Variants in RING1 observed in about 807,000 individuals in gnomAD.
RING1 encodes E3 ubiquitin-protein ligase RING1.
RING1 carries 8 observed loss-of-function variants against 35.0 expected under a neutral mutation model. That is an observed-to-expected ratio of 0.23 (90% CI 0.13 to 0.41). The LOEUF (loss-of-function observed/expected upper bound fraction) is 0.41. Ranked by LOEUF, RING1 falls within the 10% of genes least tolerant of loss-of-function variation. RING1 has a pLI of 1.00. For missense variants in RING1, 343 were observed against 546.8 expected (o/e 0.63, Z 3.72); for synonymous variants, 214 against 224.3 (o/e 0.95, Z 0.41).
Position 33,212,527 on chromosome 6 carries a change from C to G in RING1, c.*128C>G, listed in dbSNP as rs892586949. 1 of 639,536 alleles carries G rather than the reference C, an allele frequency of 1.6e-6. No individual in the cohort carries two copies. The highest frequency in any genetic ancestry group is 2.8e-6 in the Non-Finnish European group (1 of 356,608). 39.6% of individuals were successfully genotyped at this position (639,536 alleles called of 1,614,324 possible). On this transcript the variant is annotated 3_prime_UTR_variant, in exon 7 of 7. Coordinates refer to ENST00000374656, the MANE Select transcript of RING1 (RefSeq NM_002931.4). Reference sequence around the variant, plus strand: ...CAATAAGAGGACACAAATGAGGACACGTGGCTTTTATACAAAGTATCTATA... The same window carrying G: ...CAATAAGAGGACACAAATGAGGACAGGTGGCTTTTATACAAAGTATCTATA...
At chr6:33,212,241 C>A in intron 6 of RING1, 57 bp from the exon 7 acceptor site, 1 of 1,257,500 alleles carries the variant, frequency 8.0e-7, no homozygotes, top group Non-Finnish European at 1.1e-6. Context: ...TTTCCTTTTC[C>A]ATCTTCTCCA....
In RING1 at chr6:33,212,289, C is replaced by G. The variant is rs1213185514; in HGVS notation, c.1120-9C>G. 1.9e-6 allele frequency: 3 copies of G among 1,555,846 alleles called. No homozygotes were observed. The highest frequency in any genetic ancestry group is 2.4e-5 in the East Asian group (1 of 42,514). On this transcript the variant is annotated splice_polypyrimidine_tract_variant and intron_variant, in intron 6 of 6. Coordinates refer to ENST00000374656, the MANE Select transcript of RING1 (RefSeq NM_002931.4). ...CTTTTCCCCTCTCTCCCTTTTACCC[C>G]CTCCTCAGACGTTGAATGGCTCGCT...
Position 33,208,805 on chromosome 6 carries a change from G to T in RING1, c.-18G>T. On this transcript the variant is annotated 5_prime_UTR_variant, in exon 2 of 7. Transcript: ENST00000374656. This position sits in a 1 kb window ranked among gnomAD's most constrained non-coding sequence, Gnocchi z 6.2. ...CCTCGGCTGTGGAGCCCTGGTGGGG[G>T]GTCTGCGCCCGGTCACCATGACGAC... 2.5e-6 allele frequency: 4 copies of T among 1,591,292 alleles called. No individual in the cohort carries two copies. The highest frequency in any genetic ancestry group is 3.4e-6 in the Non-Finnish European group (4 of 1,166,468).
At position 33,209,144 on chromosome 6, in the gene RING1, C is replaced by T. The variant is rs1431758293; in HGVS notation, c.78+244C>T. On this transcript the variant is annotated intron_variant, in intron 2 of 6. Transcript: ENST00000374656. The surrounding 1 kb of genome is among the most constrained non-coding windows in gnomAD (Gnocchi z 5.1). ...GAAAGATCACAAACACAAAAATTAC[C>T]TTCCCTGTTCCTCATTCAGTGTCAT... The T allele has an allele frequency of 7.2e-6, 5 of 693,550 alleles. No individual in the cohort carries two copies. The highest frequency in any genetic ancestry group is 1.3e-5 in the Non-Finnish European group (5 of 379,928). The allele number at this position is 693,550 out of a possible 1,614,324, so 43.0% of individuals were successfully genotyped here. A position where few individuals can be genotyped will look rare whatever the true frequency, so the allele number is the denominator to read the frequency against.
In RING1 at chr6:33,211,867, A is replaced by T. The variant is rs768948218; in HGVS notation, c.984A>T (p.Gly328=). The T allele has an allele frequency of 1.3e-6, 2 of 1,586,588 alleles. No homozygotes were observed. The highest frequency in any genetic ancestry group is 8.6e-7 in the Non-Finnish European group (1 of 1,164,836). Residue 328 remains glycine, a synonymous_variant, in exon 6 of 7, where the codon GGA becomes GGT. Transcript: ENST00000374656. This position sits in a 1 kb window ranked among gnomAD's most constrained non-coding sequence, Gnocchi z 6.3. ...GAGGGGGCGCCTCTGACACCGGAGG[A>T]CCTGATGGGTGTGGCGGGGAGGGTG... ...GPGGGASDTG[G]PDGCGGEGGG... is the part of the protein sequence containing the mutation.
chr6:33,210,758 T>C (rs1775465150), intron 4 of RING1, among the ~76,000 whole-genome samples: 1 of 152,248 alleles, frequency 6.6e-6, no homozygotes, highest in East Asian at 1.9e-4. Flanking sequence ...CTTTCATGTG[T>C]ATCCAGATTA....
Position 33,208,746 on chromosome 6 carries a change from C to A in RING1, c.-58-19C>A. ...GGGCGGCCCCCCTGACGCCCTCCTC[C>A]CCTTCCCCCCACCCCCAGCCTTCTT... On this transcript the variant is annotated intron_variant, in intron 1 of 6. Transcript: ENST00000374656. This position sits in a 1 kb window ranked among gnomAD's most constrained non-coding sequence, Gnocchi z 6.2. The A allele has an allele frequency of 2.4e-6, 3 of 1,246,936 alleles. No individual in the cohort carries two copies. The highest frequency in any genetic ancestry group is 3.3e-6 in the Non-Finnish European group (3 of 917,886). 77.2% of individuals were successfully genotyped at this position (1,246,936 alleles called of 1,614,324 possible).
At chr6:33,210,211 A>T (rs960512158) in intron 4 of RING1, 81 bp downstream of exon 4, 5 of 1,295,392 alleles carry the variant, frequency 3.9e-6, no homozygotes, top group Non-Finnish European at 5.5e-6. Context: ...TCTAAGCCTC[A>T]GCATCCTAGG....
Position 33,210,232 on chromosome 6 carries a change from A to C in RING1, c.455+102A>C, listed in dbSNP as rs373469632. ...CCTCAGCATCCTAGGAGCTGACCAC[A>C]GACTGATCATTAGGGCTGGAAATCA... On this transcript the variant is annotated intron_variant, in intron 4 of 6. Coordinates refer to ENST00000374656, the MANE Select transcript of RING1 (RefSeq NM_002931.4). The C allele has an allele frequency of 2.0e-3, 2,089 of 1,041,882 alleles. 37 individuals are homozygous for C. The South Asian group carries it at 0.026, about 13-fold the overall frequency. The allele number at this position is 1,041,882 out of a possible 1,614,324, so 64.5% of individuals were successfully genotyped here.
At position 33,211,949 on chromosome 6, in the gene RING1, G is replaced by A. The variant is rs201798356; in HGVS notation, c.1066G>A (p.Val356Ile). Residue 356 changes from valine (V) to isoleucine (I), a missense_variant, in exon 6 of 7, where the codon GTC becomes ATC. This residue lies in a region of RING1 where 278 missense variants were observed against 383.5 expected (regional missense o/e 0.72). Coordinates refer to ENST00000374656, the MANE Select transcript of RING1 (RefSeq NM_002931.4). The surrounding 1 kb of genome is among the most constrained non-coding windows in gnomAD (Gnocchi z 6.3). Reference protein sequence around the residue: ...EEPALPSLEGVSEKQYTIYIA... With the variant: ...EEPALPSLEGISEKQYTIYIA... The stretch of plus-strand genomic sequence containing the variant: ...GCCTGCTTTGCCCAGCCTGGAGGGC[G>A]TCAGTGAAAAGCAGTACACCATCTA... The A allele has an allele frequency of 2.6e-5, 41 of 1,589,922 alleles. No individual in the cohort carries two copies. The highest frequency in any genetic ancestry group is 2.6e-5 in the Non-Finnish European group (30 of 1,168,222).
chr6:33,211,216 G>A lies in RING1; in HGVS notation c.514G>A (p.Gly172Arg), dbSNP rs1775501708. Residue 172 changes from glycine (G) to arginine (R), a missense_variant, in exon 5 of 7, where the codon GGG (glycine) becomes AGG (arginine). Around this residue, in one of 2 missense-constraint regions of RING1, gnomAD observed 278 missense variants for 383.5 expected, o/e 0.72. Transcript: ENST00000374656. This position sits in a 1 kb window ranked among gnomAD's most constrained non-coding sequence, Gnocchi z 6.3. Reference sequence around the variant, plus strand: ...AGATCAGACCACAACGATGAGTGGGGGGGAAGGAGAGCCCGGGGAGGGAGA... The same window carrying A: ...AGATCAGACCACAACGATGAGTGGGAGGGAAGGAGAGCCCGGGGAGGGAGA... ...GSDQTTTMSG[G>R]EGEPGEGEGD... 1 of 1,612,750 alleles carries A rather than the reference G, an allele frequency of 6.2e-7. No individual in the cohort carries two copies. Among genetic ancestry groups the A allele is most frequent in the Non-Finnish European group, 8.5e-7 (1 of 1,179,990 alleles).
At position 33,209,154 on chromosome 6, in the gene RING1, C is replaced by A. The variant is rs750781868; in HGVS notation, c.78+254C>A. The stretch of plus-strand genomic sequence containing the variant: ...AAACACAAAAATTACCTTCCCTGTT[C>A]CTCATTCAGTGTCATAAGTCAGTGC... On this transcript the variant is annotated intron_variant, in intron 2 of 6. Transcript: ENST00000374656. This position sits in a 1 kb window ranked among gnomAD's most constrained non-coding sequence, Gnocchi z 5.1. The A allele has an allele frequency of 1.0e-5, 7 of 689,686 alleles. No individual in the cohort carries two copies. In the South Asian group the frequency reaches 1.1e-4, roughly 10 times the overall value. The allele number at this position is 689,686 out of a possible 1,614,324, so 42.7% of individuals were successfully genotyped here.
chr6:33,210,745 A>G (rs1479584140), intron 4 of RING1, among the ~76,000 whole-genome samples: 5 of 152,176 alleles, frequency 3.3e-5, no homozygotes, highest in Admixed American at 2.0e-4. Flanking sequence ...AGCATCTCTC[A>G]GTCTTTCATG....
Position 33,212,400 on chromosome 6 carries a change from C to T in RING1, c.*1C>T. On this transcript the variant is annotated 3_prime_UTR_variant, in exon 7 of 7. Transcript: ENST00000374656. Reference sequence around the variant, plus strand: ...TGCTCCCACCAAGGATCCAAAGTGACCCCACCAGGGGACAGCCAGAGGAAG... The same window carrying T: ...TGCTCCCACCAAGGATCCAAAGTGATCCCACCAGGGGACAGCCAGAGGAAG... The T allele has an allele frequency of 1.3e-6, 2 of 1,575,854 alleles. No individual in the cohort carries two copies. The highest frequency in any genetic ancestry group is 1.2e-5 in the South Asian group (1 of 86,324).
In RING1 at chr6:33,212,480, C is replaced by T. The variant is rs2150709634; in HGVS notation, c.*81C>T. The T allele has an allele frequency of 2.3e-6, 2 of 885,866 alleles. No individual in the cohort carries two copies. Among genetic ancestry groups the T allele is most frequent in the Non-Finnish European group, 3.6e-6 (2 of 551,416 alleles). 54.9% of individuals were successfully genotyped at this position (885,866 alleles called of 1,614,324 possible). A position where few individuals can be genotyped will look rare whatever the true frequency, so the allele number is the denominator to read the frequency against. ...CTATCACCCCAGCTTCTTTGTCCCCCAGTACCCCCAGCCCAGCCAGCCAAT... is the reference window on the plus strand; with the variant it reads ...CTATCACCCCAGCTTCTTTGTCCCCTAGTACCCCCAGCCCAGCCAGCCAAT... On this transcript the variant is annotated 3_prime_UTR_variant, in exon 7 of 7. Transcript: ENST00000374656.
chr6:33,209,796 G>A lies in RING1; in HGVS notation c.239+10G>A. The A allele has an allele frequency of 6.2e-7, 1 of 1,613,620 alleles. No homozygotes were observed. The highest frequency in any genetic ancestry group is 8.5e-7 in the Non-Finnish European group (1 of 1,179,578). Reference sequence around the variant, plus strand: ...CAGCCCTACGGAGCGGGTAATAGGAGAGACATGTTTGAGATGAGATGAAGG... The same window carrying A: ...CAGCCCTACGGAGCGGGTAATAGGAAAGACATGTTTGAGATGAGATGAAGG... On this transcript the variant is annotated intron_variant, in intron 3 of 6. Coordinates refer to ENST00000374656, the MANE Select transcript of RING1 (RefSeq NM_002931.4). This position sits in a 1 kb window ranked among gnomAD's most constrained non-coding sequence, Gnocchi z 5.1.
intron 6 of RING1, 102 bp downstream of exon 6, chr6:33,212,104 C>T (rs1202537458): frequency 1.0e-6 from 1 of 970,716 alleles, no homozygotes; most frequent in Non-Finnish European, 1.5e-6. Context: ...CACTCTTCCC[C>T]TATACATCCT....
chr6:33,210,477 T>G (rs1282531865), intron 4 of RING1, among the ~76,000 whole-genome samples: 1 of 152,104 alleles, frequency 6.6e-6, no homozygotes, highest in Non-Finnish European at 1.5e-5. Flanking sequence ...GGCACATGCC[T>G]GTAGTCCTAC....
rs972263554 is a variant in RING1 at position 33,212,638 on chromosome 6, C to G, written c.*239C>G. ...ATTGCCCTGCAACGTCCCATCTATA[C>G]GAGGTGTTGGAGAAGGTGAAGAACC... On this transcript the variant is annotated 3_prime_UTR_variant, in exon 7 of 7. Coordinates refer to ENST00000374656, the MANE Select transcript of RING1 (RefSeq NM_002931.4). The G allele has an allele frequency of 9.4e-6, 4 of 426,744 alleles. No individual in the cohort carries two copies. The highest frequency in any genetic ancestry group is 6.5e-5 in the South Asian group (1 of 15,444). The allele number at this position is 426,744 out of a possible 1,614,324, so 26.4% of individuals were successfully genotyped here.
Sources: allele counts gnomAD v4.1 joint callset (sites outside exome capture counted in the v4.1 genomes callset), GRCh38; gene constraint gnomAD v4.1.1; regional missense constraint gnomAD v4.1.1; non-coding constraint Gnocchi (gnomAD v3.1); transcripts MANE v1.5; gene names NCBI Gene and HGNC (gene_info 2026-07-23, HGNC 2026-07-21).